Variants in LINGO2 observed in about 807,000 individuals in gnomAD.
LINGO2 encodes the protein leucine rich repeat and Ig domain containing 2, also known as leucine-rich repeat and immunoglobulin-like domain-containing nogo receptor-interacting protein 2.
In LINGO2, 14 loss-of-function variants were observed where a neutral mutation model predicts 30.6. The observed-to-expected ratio is 0.46, with a 90% CI of 0.30 to 0.72. The LOEUF (loss-of-function observed/expected upper bound fraction) is 0.72. Among genes scored for constraint, LINGO2 ranks in the 30% least tolerant of loss-of-function variants. The pLI, the probability that LINGO2 is intolerant of heterozygous loss-of-function variation, is 0.07. For synonymous variants in LINGO2, 317 were observed against 288.5 expected (o/e 1.10, Z -1.00); for missense variants, 729 against 751.7 (o/e 0.97, Z 0.35).
At chr9:28,772,215 A>G in the LINGO2 span, among the ~76,000 whole-genome samples, 1 of 152,220 alleles carries the variant, frequency 6.6e-6, no homozygotes, top group Admixed American at 6.5e-5. Context: ...ATTGATTATT[A>G]TAAGTAAGTG....
At chr9:28,839,544 C>T in the LINGO2 span, among the ~76,000 whole-genome samples, 1 of 152,122 alleles carries the variant, frequency 6.6e-6, no homozygotes. Flanking sequence ...CCCACATCTG[C>T]TCAGCTATCA....
intron 4 of LINGO2, among the ~76,000 whole-genome samples, chr9:28,202,308 T>C (rs1284840732): frequency 1.3e-5 from 2 of 152,144 alleles, no homozygotes; most frequent in African/African-American, 2.4e-5. Context: ...TTTGAAAGTT[T>C]GACTCCATAG....
chr9:29,173,698 T>G, the LINGO2 span, among the ~76,000 whole-genome samples: 2 of 152,084 alleles, frequency 1.3e-5, no homozygotes, highest in Non-Finnish European at 2.9e-5. Context: ...AAATTAAGTG[T>G]CATGAAGAAA....
the LINGO2 span, among the ~76,000 whole-genome samples, chr9:29,040,136 A>T: frequency 6.6e-6 from 1 of 152,118 alleles, no homozygotes; most frequent in Non-Finnish European, 1.5e-5. Flanking sequence ...TTCATTGTTC[A>T]GTTTCCGTCC....
chr9:28,556,252 G>C (rs1213337181), intron 1 of LINGO2, among the ~76,000 whole-genome samples: 1 of 152,020 alleles, frequency 6.6e-6, no homozygotes, highest in Non-Finnish European at 1.5e-5. Flanking sequence ...AAACCCCATA[G>C]TCTCAGCCCA....
At chr9:28,005,010 T>C (rs867602611) in intron 5 of LINGO2, among the ~76,000 whole-genome samples, 5 of 152,164 alleles carry the variant, frequency 3.3e-5, no homozygotes, top group African/African-American at 1.2e-4. Flanking sequence ...GAGGCTGCCT[T>C]TGTTACGCAA....
chr9:29,209,926 TC>T, the LINGO2 span, among the ~76,000 whole-genome samples: 2 of 152,172 alleles, frequency 1.3e-5, no homozygotes, highest in Admixed American at 1.3e-4. Context: ...CTGACAAACC[TC>T]TTTGCATATA....
intron 2 of LINGO2, among the ~76,000 whole-genome samples, chr9:28,383,527 G>T (rs897157750): frequency 5.9e-5 from 9 of 151,914 alleles, no homozygotes; most frequent in African/African-American, 1.7e-4. Context: ...CTCCTCAGGG[G>T]ATCTCTATCT....
intron 3 of LINGO2, among the ~76,000 whole-genome samples, chr9:28,306,254 T>A (rs1010215192): frequency 4.0e-5 from 6 of 151,816 alleles, no homozygotes; most frequent in African/African-American, 1.5e-4. Flanking sequence ...ACTTAAAACA[T>A]GTTTAAATAT....
the LINGO2 span, among the ~76,000 whole-genome samples, chr9:28,837,372 G>A: frequency 2.2e-4 from 34 of 152,060 alleles, no homozygotes; most frequent in East Asian, 7.8e-4. Context: ...AGGGCCAAGC[G>A]TGGTGGCTCA....
intron 4 of LINGO2, among the ~76,000 whole-genome samples, chr9:28,110,587 T>C (rs1389470071): frequency 6.6e-6 from 1 of 152,046 alleles, no homozygotes; most frequent in Non-Finnish European, 1.5e-5. Flanking sequence ...AGTATATGCA[T>C]GGACCCTTCT....
chr9:28,205,220 T>G (rs936517765), intron 4 of LINGO2, among the ~76,000 whole-genome samples: 19 of 152,342 alleles, frequency 1.2e-4, no homozygotes, highest in African/African-American at 4.6e-4. Flanking sequence ...GCATATGATA[T>G]AACCTGATGG....
At chr9:28,326,256 T>C (rs1381290959) in intron 3 of LINGO2, among the ~76,000 whole-genome samples, 2 of 152,190 alleles carry the variant, frequency 1.3e-5, no homozygotes, top group East Asian at 3.9e-4. Context: ...CTGCCCACCT[T>C]GGCCTCCCAA....
At chr9:28,366,869 T>C (rs865786768) in intron 3 of LINGO2, among the ~76,000 whole-genome samples, 10 of 152,088 alleles carry the variant, frequency 6.6e-5, no homozygotes, top group Non-Finnish European at 1.2e-4. Flanking sequence ...ATAGTAATAA[T>C]AATAACCTGC....
At chr9:28,971,006 A>AGT in the LINGO2 span, among the ~76,000 whole-genome samples, 1 of 152,174 alleles carries the variant, frequency 6.6e-6, no homozygotes, top group East Asian at 1.9e-4. Context: ...GAAAGGGAAG[A>AGT]GTGCAGGAGG....
chr9:28,861,367 A>G, the LINGO2 span, among the ~76,000 whole-genome samples: 2 of 135,888 alleles, frequency 1.5e-5, no homozygotes, highest in African/African-American at 2.8e-5. Context: ...TAATATATAT[A>G]TACACACAAA....
intron 1 of LINGO2, among the ~76,000 whole-genome samples, chr9:28,497,176 T>A (rs1026326992): frequency 6.6e-6 from 1 of 152,182 alleles, no homozygotes; most frequent in African/African-American, 2.4e-5. Context: ...TGTGGCATTC[T>A]CTGTATTTCC....
At chr9:28,655,393 G>A (rs1588033041) in intron 1 of LINGO2, among the ~76,000 whole-genome samples, 1 of 152,120 alleles carries the variant, frequency 6.6e-6, no homozygotes, top group East Asian at 1.9e-4. Context: ...CGGCTCATAA[G>A]CAGAAGGGAC....
chr9:29,063,210 C>G, the LINGO2 span, among the ~76,000 whole-genome samples: 1 of 151,968 alleles, frequency 6.6e-6, no homozygotes. Context: ...ACTATCCTTC[C>G]CTAATTCCCT....
Sources: gnomAD v4.1 joint callset for allele counts (sites outside exome capture counted in the v4.1 genomes callset) on GRCh38, gnomAD v4.1.1 for gene constraint, MANE v1.5 for transcripts, NCBI Gene and HGNC (gene_info 2026-07-23, HGNC 2026-07-21) for gene names.